PDE7B: variants seen among roughly 807,000 people sequenced by gnomAD.
The protein encoded by PDE7B is 3',5'-cyclic-AMP phosphodiesterase 7B.
PDE7B carries 29 observed loss-of-function variants against 56.2 expected under a neutral mutation model. The ratio of observed to expected loss-of-function variants is 0.52; its 90% CI spans 0.38 to 0.70. The LOEUF (loss-of-function observed/expected upper bound fraction) is 0.70, where lower values mean the gene tolerates loss of function less well. Ranked by LOEUF, PDE7B falls within the 30% of genes least tolerant of loss-of-function variation. The pLI is 0.00. For missense variants in PDE7B, 490 were observed against 565.0 expected (o/e 0.87, Z 1.35); for synonymous variants, 197 against 196.9 (o/e 1.00, Z 0.00).
At chr6:136,067,007 G>A (rs1451937174) in intron 2 of PDE7B, among the ~76,000 whole-genome samples, 1 of 151,878 alleles carries the variant, frequency 6.6e-6, no homozygotes, top group African/African-American at 2.4e-5. Context: ...AGGTGTATGC[G>A]ACCACACCCA....
intron 12 of PDE7B, among the ~76,000 whole-genome samples, chr6:136,187,532 A>G (rs1176017883): frequency 6.6e-6 from 1 of 151,922 alleles, no homozygotes; most frequent in Non-Finnish European, 1.5e-5. Context: ...GCTCCCAAGA[A>G]CCCAATCTCT....
At chr6:136,079,019 C>T (rs912439480) in intron 2 of PDE7B, among the ~76,000 whole-genome samples, 4 of 152,066 alleles carry the variant, frequency 2.6e-5, no homozygotes, top group Non-Finnish European at 5.9e-5. Flanking sequence ...GTTGTCCAAC[C>T]TGGAGAATTA....
chr6:135,970,809 T>C (rs1775082619), intron 2 of PDE7B, among the ~76,000 whole-genome samples: 1 of 152,084 alleles, frequency 6.6e-6, no homozygotes, highest in South Asian at 2.1e-4. Context: ...AGGGAGACTG[T>C]AGTGGGGCAG....
At chr6:136,097,909 C>A (rs1777495627) in intron 2 of PDE7B, 2 of 152,096 alleles carry the variant, frequency 1.3e-5, no homozygotes, top group African/African-American at 4.8e-5. Context: ...CTCAGGGTGA[C>A]CATGCAAGGT....
chr6:136,065,345 T>C (rs1776915740), intron 2 of PDE7B, among the ~76,000 whole-genome samples: 1 of 152,232 alleles, frequency 6.6e-6, no homozygotes, highest in South Asian at 2.1e-4. Context: ...GAAATTGTCA[T>C]CTTTTTTCCT....
At chr6:135,963,282 C>T (rs779998834) in intron 2 of PDE7B, among the ~76,000 whole-genome samples, 21 of 152,162 alleles carry the variant, frequency 1.4e-4, no homozygotes, top group East Asian at 1.9e-4. Flanking sequence ...GGCAATTGCA[C>T]ATTTCCAAGT....
intron 2 of PDE7B, among the ~76,000 whole-genome samples, chr6:135,986,017 G>C (rs1775370313): frequency 6.6e-6 from 1 of 152,158 alleles, no homozygotes; most frequent in Non-Finnish European, 1.5e-5. Context: ...TACTCCTCCA[G>C]CAGAGGTTCA....
At chr6:136,081,214 A>C (rs939375209) in intron 2 of PDE7B, among the ~76,000 whole-genome samples, 1 of 152,068 alleles carries the variant, frequency 6.6e-6, no homozygotes, top group African/African-American at 2.4e-5. Flanking sequence ...ATTTTGGGAG[A>C]TGGACTGAAA....
rs555947748 is a variant in PDE7B, at chr6:135,907,622, A to G, written c.22-39842A>G. Among the ~76,000 whole-genome samples, 36 of 152,232 alleles carry G rather than the reference A, an allele frequency of 2.4e-4. No homozygotes were observed. The South Asian group carries it at 7.5e-3, about 32-fold the overall frequency. ...GTGCTGGTTAAAAATTGAATGTACA[A>G]CATTAACTGTTTCTATATGCCTAGA... On this transcript the variant is annotated intron_variant, in intron 1 of 12. Coordinates refer to ENST00000308191, the MANE Select transcript of PDE7B (RefSeq NM_018945.4).
intron 1 of PDE7B, among the ~76,000 whole-genome samples, chr6:135,903,953 T>C (rs1308374570): frequency 1.3e-5 from 2 of 152,156 alleles, no homozygotes; most frequent in African/African-American, 4.8e-5. Flanking sequence ...CAAAATGCAA[T>C]ATAGATTTAG....
intron 2 of PDE7B, among the ~76,000 whole-genome samples, chr6:136,079,501 C>A (rs531158477): frequency 1.4e-4 from 22 of 152,162 alleles, no homozygotes; most frequent in African/African-American, 5.1e-4. Flanking sequence ...CTGTATTAGA[C>A]AATACAGAAT....
intron 2 of PDE7B, among the ~76,000 whole-genome samples, chr6:136,048,383 G>T (rs572193413): frequency 1.3e-5 from 2 of 152,080 alleles, no homozygotes. Context: ...AATTAGAGGC[G>T]TGGTGGTGGG....
chr6:136,105,123 G>A (rs1168366728), intron 2 of PDE7B, among the ~76,000 whole-genome samples: 1 of 152,160 alleles, frequency 6.6e-6, no homozygotes, highest in African/African-American at 2.4e-5. Flanking sequence ...TAGATTCCTT[G>A]TTGATCCAGG....
At chr6:136,189,546 G>A (rs1226536404) in intron 12 of PDE7B, among the ~76,000 whole-genome samples, 7 of 152,174 alleles carry the variant, frequency 4.6e-5, no homozygotes, top group Non-Finnish European at 7.4e-5. Context: ...ACTCCAGCCT[G>A]GGCGACAGGG....
intron 2 of PDE7B, among the ~76,000 whole-genome samples, chr6:135,998,806 A>G (rs1406949075): frequency 1.3e-5 from 2 of 151,970 alleles, no homozygotes; most frequent in African/African-American, 2.4e-5. Context: ...CCTTAAAGTG[A>G]TACTTAGACA....
At chr6:135,920,744 C>T (rs912688322) in intron 1 of PDE7B, among the ~76,000 whole-genome samples, 13 of 152,172 alleles carry the variant, frequency 8.5e-5, no homozygotes, top group African/African-American at 1.9e-4. Flanking sequence ...TTCCTTTCCA[C>T]GTCTTTTAAG....
At chr6:136,075,996 A>G (rs1777122529) in intron 2 of PDE7B, among the ~76,000 whole-genome samples, 1 of 152,212 alleles carries the variant, frequency 6.6e-6, no homozygotes, top group South Asian at 2.1e-4. Context: ...GCTTACCCCA[A>G]AGCCTTTGAT....
intron 1 of PDE7B, among the ~76,000 whole-genome samples, chr6:135,904,000 T>G (rs1409466732): frequency 1.3e-5 from 2 of 152,208 alleles, no homozygotes; most frequent in African/African-American, 4.8e-5. Flanking sequence ...TTGAATAGAA[T>G]GCTTTTCCTA....
At chr6:135,863,692 ATT>A (rs200974005) in intron 1 of PDE7B, among the ~76,000 whole-genome samples, 4,664 of 138,446 alleles carry the variant, frequency 0.034, 218 homozygotes, top group African/African-American at 0.11. Flanking sequence ...ATCCCTTCCA[ATT>A]TTTTTTTTTT....
Sources: allele counts gnomAD v4.1 joint callset (sites outside exome capture counted in the v4.1 genomes callset), GRCh38; gene constraint gnomAD v4.1.1; transcripts MANE v1.5; gene names NCBI Gene and HGNC (gene_info 2026-07-23, HGNC 2026-07-21).